IL15: variants seen among roughly 807,000 people sequenced by gnomAD.
IL15 encodes the protein interleukin-15.
Under a neutral mutation model 19.6 loss-of-function variants are expected in IL15, and 11 were observed. That is an observed-to-expected ratio of 0.56 (90% confidence interval 0.35 to 0.93). The LOEUF is 0.93. Among genes scored for constraint, IL15 ranks in the 40% least tolerant of loss-of-function variants. The pLI, the probability that IL15 is intolerant of heterozygous loss-of-function variation, is 0.01. For missense variants in IL15, 197 were observed against 186.5 expected (o/e 1.06, Z -0.33); for synonymous variants, 58 against 59.6 (o/e 0.97, Z 0.12).
At chr4:141,657,500 C>T (rs1467534919) in intron 2 of IL15, among the ~76,000 whole-genome samples, 1 of 151,972 alleles carries the variant, frequency 6.6e-6, no homozygotes, top group Non-Finnish European at 1.5e-5. Context: ...AATAACACAA[C>T]TTAAAGCACA....
intron 1 of IL15, among the ~76,000 whole-genome samples, chr4:141,639,371 ATATT>A (rs1325078192): frequency 6.6e-6 from 1 of 152,234 alleles, no homozygotes; most frequent in Admixed American, 6.5e-5. Flanking sequence ...ACATTATTAT[ATATT>A]TAAAGATTAT....
chr4:141,670,496 A>G (rs1315430320), intron 2 of IL15, among the ~76,000 whole-genome samples: 1 of 152,192 alleles, frequency 6.6e-6, no homozygotes, highest in Non-Finnish European at 1.5e-5. Context: ...TAAACTAACC[A>G]TAATTAATGA....
intron 2 of IL15, among the ~76,000 whole-genome samples, chr4:141,674,230 T>C (rs1337679695): frequency 6.6e-6 from 1 of 152,146 alleles, no homozygotes; most frequent in East Asian, 1.9e-4. Flanking sequence ...CAGATCACAG[T>C]GTAGGATGCA....
intron 2 of IL15, among the ~76,000 whole-genome samples, chr4:141,705,277 G>A (rs1729471931): frequency 6.6e-6 from 1 of 151,568 alleles, no homozygotes; most frequent in African/African-American, 2.4e-5. Flanking sequence ...GATATGATGT[G>A]TTTCCATTCT....
chr4:141,664,143 A>G (rs1239625221), intron 2 of IL15, among the ~76,000 whole-genome samples: 4 of 152,188 alleles, frequency 2.6e-5, no homozygotes, highest in African/African-American at 9.7e-5. Flanking sequence ...TAGCCAACAA[A>G]GCAGATACAA....
At chr4:141,707,740 G>C (rs951919397) in intron 2 of IL15, among the ~76,000 whole-genome samples, 49 of 152,296 alleles carry the variant, frequency 3.2e-4, no homozygotes, top group African/African-American at 1.1e-3. Context: ...TTCTTGGGGT[G>C]GGAGCACTGG....
In IL15 at chr4:141,721,032, A is replaced by T. The variant is rs995973832; in HGVS notation, c.110+466A>T. 1.5e-5 allele frequency: 10 copies of T among 685,364 alleles called. No individual in the cohort carries two copies. The African/African-American group carries it at 1.8e-4, about 13-fold the overall frequency. The allele number at this position is 685,364 out of a possible 1,614,324, so 42.5% of individuals were successfully genotyped here. ...CTAATAAAATTCATATGTTTCCATG[A>T]CTATTAACTTTTTTCTTCTCTCTTA... is the stretch of plus-strand genomic sequence containing the variant. On this transcript the variant is annotated intron_variant, in intron 4 of 7. Transcript: ENST00000320650.
chr4:141,650,790 G>A (rs1278562500), intron 1 of IL15, among the ~76,000 whole-genome samples: 1 of 151,864 alleles, frequency 6.6e-6, no homozygotes, highest in Non-Finnish European at 1.5e-5. Context: ...GCACTGGAAG[G>A]GACTTTAGAC....
chr4:141,728,166 C>A (rs73851526), intron 6 of IL15, among the ~76,000 whole-genome samples, 182 bp downstream of exon 6: 3,988 of 152,038 alleles, frequency 0.026, 178 homozygotes, highest in African/African-American at 0.091. Flanking sequence ...ATAGCTACAT[C>A]AATGCTATTT....
intron 2 of IL15, among the ~76,000 whole-genome samples, chr4:141,686,666 G>A (rs1728723666): frequency 6.6e-6 from 1 of 152,176 alleles, no homozygotes; most frequent in Non-Finnish European, 1.5e-5. Context: ...GGTTCGTAGG[G>A]CCTCAAGCTT....
intron 2 of IL15, among the ~76,000 whole-genome samples, chr4:141,658,046 T>G (rs917631839): frequency 2.6e-5 from 4 of 152,176 alleles, no homozygotes; most frequent in Non-Finnish European, 4.4e-5. Context: ...TCGATGTGGT[T>G]TGGATTTGTG....
rs1474224571 is a variant in IL15, at chr4:141,732,658, G to A, written c.379-80G>A. 3.2e-6 allele frequency: 5 copies of A among 1,550,356 alleles called. 1 individual carries two copies. The highest frequency in any genetic ancestry group is 2.4e-5 in the South Asian group (2 of 82,282). On this transcript the variant is annotated intron_variant, in intron 7 of 7. Coordinates refer to ENST00000320650, the MANE Select transcript of IL15 (RefSeq NM_000585.5). ...CAAGACCTCACCATATGGTTCAAAC[G>A]ATATGATATTCCCATTCCCATGAAT...
At chr4:141,645,349 G>A (rs1410819849) in intron 1 of IL15, among the ~76,000 whole-genome samples, 2 of 152,128 alleles carry the variant, frequency 1.3e-5, no homozygotes, top group African/African-American at 4.8e-5. Context: ...GGGCCTCCAT[G>A]CCACACACCT....
At chr4:141,720,853 A>AC in intron 4 of IL15, 1 of 537,368 alleles carries the variant, frequency 1.9e-6, no homozygotes, top group Non-Finnish European at 3.3e-6. Context: ...TTGATAGACT[A>AC]CATATTTTTC....
chr4:141,725,320 T>C (rs1730221374), intron 5 of IL15, among the ~76,000 whole-genome samples: 1 of 152,178 alleles, frequency 6.6e-6, no homozygotes. Flanking sequence ...TATTTTGAGA[T>C]AGGGTCAGTT....
At chr4:141,670,229 G>T (rs554044727) in intron 2 of IL15, among the ~76,000 whole-genome samples, 1 of 152,188 alleles carries the variant, frequency 6.6e-6, no homozygotes, top group East Asian at 1.9e-4. Flanking sequence ...GGATGTCACA[G>T]AGGCTAAAAG....
chr4:141,641,825 G>A (rs1316597752), intron 1 of IL15, among the ~76,000 whole-genome samples: 1 of 150,332 alleles, frequency 6.7e-6, no homozygotes, highest in African/African-American at 2.4e-5. Flanking sequence ...ATGTACCCTA[G>A]AACTTAAAGT....
chr4:141,720,321 T>C, intron 3 of IL15, 148 bp from the exon 4 acceptor site: 1 of 571,000 alleles, frequency 1.8e-6, no homozygotes, highest in Non-Finnish European at 3.1e-6. Context: ...AAAGATAAAT[T>C]ATAGTTTTAT....
intron 2 of IL15, among the ~76,000 whole-genome samples, chr4:141,711,593 TC>T (rs1398257055): frequency 6.6e-6 from 1 of 152,142 alleles, no homozygotes; most frequent in Non-Finnish European, 1.5e-5. Flanking sequence ...ACACAAGGTT[TC>T]TGACCACAAG....
Sources: gnomAD v4.1 joint callset for allele counts (sites outside exome capture counted in the v4.1 genomes callset) on GRCh38, gnomAD v4.1.1 for gene constraint, MANE v1.5 for transcripts, NCBI Gene and HGNC (gene_info 2026-07-23, HGNC 2026-07-21) for gene names.